Variants in IQCJ observed in about 807,000 individuals in gnomAD.
The protein encoded by IQCJ is IQ domain-containing protein J.
IQCJ carries 9 observed loss-of-function variants against 11.0 expected under a neutral mutation model. The observed-to-expected ratio is 0.82, with a 90% CI of 0.49 to 1.43. The LOEUF is 1.43. Ranked by LOEUF, IQCJ falls within the 40% of genes most tolerant of loss-of-function variation. The probability of loss-of-function intolerance (pLI) is 0.00; values close to 1 mark genes in which losing one functional copy is unlikely to be tolerated. For synonymous variants in IQCJ, 55 were observed against 51.3 expected (o/e 1.07, Z -0.31); for missense variants, 146 against 133.2 (o/e 1.10, Z -0.47).
At chr3:159,069,567 C>T (rs1408052210) in intron 1 of IQCJ, 126 bp downstream of exon 1, 1 of 1,351,634 alleles carries the variant, frequency 7.4e-7, no homozygotes, top group Non-Finnish European at 9.9e-7. Context: ...GCTTATAGAA[C>T]AGTGTGGGCT....
intron 1 of IQCJ, among the ~76,000 whole-genome samples, chr3:159,227,768 A>G (rs1370733463): frequency 6.6e-6 from 1 of 152,264 alleles, no homozygotes; most frequent in Non-Finnish European, 1.5e-5. Flanking sequence ...TGTTTTATCA[A>G]AAAAGGAATG....
chr3:159,070,666 AAG>A (rs1229571509), intron 1 of IQCJ, among the ~76,000 whole-genome samples: 1 of 152,122 alleles, frequency 6.6e-6, no homozygotes, highest in Non-Finnish European at 1.5e-5. Context: ...TTTTGTAAAG[AAG>A]AGAAAATGAG....
intron 1 of IQCJ, among the ~76,000 whole-genome samples, chr3:159,213,298 T>G (rs1577084834): frequency 6.6e-6 from 1 of 152,112 alleles, no homozygotes. Flanking sequence ...GCATTCAAGG[T>G]GGAGCCACTT....
intron 1 of IQCJ, among the ~76,000 whole-genome samples, chr3:159,232,317 C>A (rs959286157): frequency 2.6e-5 from 4 of 152,024 alleles, no homozygotes; most frequent in Admixed American, 2.6e-4. Flanking sequence ...CCCAGAGATT[C>A]TGGTATGTTG....
intron 3 of IQCJ, among the ~76,000 whole-genome samples, chr3:159,262,238 C>A (rs1425816005): frequency 6.6e-6 from 1 of 152,194 alleles, no homozygotes. Flanking sequence ...TCTCATAAAT[C>A]AAAGTACATT....
At chr3:159,149,156 A>G (rs1215261842) in intron 1 of IQCJ, among the ~76,000 whole-genome samples, 2 of 152,242 alleles carry the variant, frequency 1.3e-5, no homozygotes, top group Non-Finnish European at 2.9e-5. Flanking sequence ...GTAGATAAAA[A>G]TGACTTTTCT....
chr3:159,171,016 CTAGTAATT>C (rs1456858083), intron 1 of IQCJ, among the ~76,000 whole-genome samples: 1 of 152,032 alleles, frequency 6.6e-6, no homozygotes, highest in Non-Finnish European at 1.5e-5. Context: ...TCTTTATAAG[CTAGTAATT>C]TAGTAATCGG....
chr3:159,265,426 G>C (rs772604414), downstream of IQCJ: 1 of 1,588,190 alleles, frequency 6.3e-7, no homozygotes, highest in Non-Finnish European at 8.6e-7. Flanking sequence ...TTTATGGAGG[G>C]AATAGGATGA....
At chr3:159,091,569 G>A (rs1717285278) in intron 1 of IQCJ, among the ~76,000 whole-genome samples, 2 of 149,984 alleles carry the variant, frequency 1.3e-5, no homozygotes. Flanking sequence ...AATTTGAGAG[G>A]GACACAAACA....
chr3:159,090,513 G>T (rs1483734013), intron 1 of IQCJ, among the ~76,000 whole-genome samples: 1 of 151,800 alleles, frequency 6.6e-6, no homozygotes, highest in African/African-American at 2.4e-5. Context: ...TGGTGGGTGG[G>T]GCTGGTCCAG....
At chr3:159,093,856 A>G (rs1389562645) in intron 1 of IQCJ, among the ~76,000 whole-genome samples, 2 of 151,808 alleles carry the variant, frequency 1.3e-5, no homozygotes, top group African/African-American at 4.9e-5. Flanking sequence ...CTTGCTCACT[A>G]TCACAAGAAC....
chr3:159,091,539 GA>G (rs1717284225), intron 1 of IQCJ, among the ~76,000 whole-genome samples: 1 of 151,568 alleles, frequency 6.6e-6, no homozygotes, highest in Non-Finnish European at 1.5e-5. Context: ...TCACCTTGGG[GA>G]TTAGAATTTC....
intron 1 of IQCJ, among the ~76,000 whole-genome samples, chr3:159,140,250 A>G (rs547217591): frequency 6.3e-4 from 96 of 152,358 alleles, no homozygotes; most frequent in African/African-American, 2.3e-3. Flanking sequence ...ACCTACCATT[A>G]TAGTATCATA....
Position 159,085,899 on chromosome 3 carries a change from T to A in IQCJ, c.9+16458T>A, listed in dbSNP as rs1396563485. On this transcript the variant is annotated intron_variant, in intron 1 of 3. Transcript: ENST00000397832. ...TCACTCTGATGGTAGTTTCTTTTGC[T>A]GTGCAGAAGCTCTTTAGTTTAATTA... 9.3e-5 allele frequency among the ~76,000 whole-genome samples: 14 copies of A among 151,204 alleles called. No individual in the cohort carries two copies. The East Asian group carries it at 2.5e-3, about 27-fold the overall frequency.
chr3:159,199,152 A>C (rs2108060660), intron 1 of IQCJ, among the ~76,000 whole-genome samples: 1 of 152,338 alleles, frequency 6.6e-6, no homozygotes, highest in East Asian at 1.9e-4. Flanking sequence ...CTTCCCAGGA[A>C]GTGAATATGT....
intron 1 of IQCJ, among the ~76,000 whole-genome samples, chr3:159,139,297 GT>G (rs200091413): frequency 1.3e-5 from 2 of 151,744 alleles, no homozygotes; most frequent in African/African-American, 4.8e-5. Context: ...GGTTATTTCT[GT>G]TTTTTTTAAT....
At chr3:159,162,510 G>A (rs1721922641) in intron 1 of IQCJ, among the ~76,000 whole-genome samples, 1 of 152,132 alleles carries the variant, frequency 6.6e-6, no homozygotes, top group Admixed American at 6.6e-5. Context: ...TTTCCTAATT[G>A]AATATCCTTT....
Position 159,218,666 on chromosome 3 carries a change from G to A in IQCJ, c.10-27177G>A, listed in dbSNP as rs546096043. Among the ~76,000 whole-genome samples, 11 of 152,192 alleles carry A rather than the reference G, an allele frequency of 7.2e-5. No individual in the cohort carries two copies. In the South Asian group the frequency reaches 8.3e-4, roughly 11 times the overall value. Reference sequence around the variant, plus strand: ...AAGAAGTGTTTATATTATCAGTGACGGTGAATATAAAGCAGGAAGAATTTT... The same window carrying A: ...AAGAAGTGTTTATATTATCAGTGACAGTGAATATAAAGCAGGAAGAATTTT... On this transcript the variant is annotated intron_variant, in intron 1 of 3. Transcript: ENST00000397832.
At chr3:159,106,262 A>G (rs968571559) in intron 1 of IQCJ, among the ~76,000 whole-genome samples, 2 of 152,180 alleles carry the variant, frequency 1.3e-5, no homozygotes, top group African/African-American at 4.8e-5. Context: ...AGACATTCAG[A>G]GACCTTGTCA....
Sources: gnomAD v4.1 joint callset for allele counts (sites outside exome capture counted in the v4.1 genomes callset) on GRCh38, gnomAD v4.1.1 for gene constraint, MANE v1.5 for transcripts, NCBI Gene and HGNC (gene_info 2026-07-23, HGNC 2026-07-21) for gene names.